The following ZNF626 variants were observed in gnomAD, a reference collection of about 807,000 sequenced individuals.
The protein encoded by ZNF626 is CTC-513N18.7.
In ZNF626, 4 loss-of-function variants were observed where a neutral mutation model predicts 11.7. The observed-to-expected ratio is 0.34, with a 90% CI of 0.17 to 0.78. The LOEUF (loss-of-function observed/expected upper bound fraction) is 0.78, where lower values mean the gene tolerates loss of function less well. Ranked by LOEUF, ZNF626 falls within the 30% of genes least tolerant of loss-of-function variation. The probability of loss-of-function intolerance (pLI) is 0.57; values close to 1 mark genes in which losing one functional copy is unlikely to be tolerated. For synonymous variants in ZNF626, 179 were observed against 198.6 expected (o/e 0.90, Z 0.83); for missense variants, 588 against 587.1 (o/e 1.00, Z -0.01).
At chr19:20,655,698 G>A (rs1555773043) in intron 1 of ZNF626, among the ~76,000 whole-genome samples, 2 of 152,060 alleles carry the variant, frequency 1.3e-5, no homozygotes, top group Admixed American at 1.3e-4. Context: ...CAAGGCAGGT[G>A]GATCACAAGG....
intron 1 of ZNF626, among the ~76,000 whole-genome samples, chr19:20,653,448 G>A (rs1970169053): frequency 6.6e-6 from 1 of 152,068 alleles, no homozygotes; most frequent in African/African-American, 2.4e-5. Context: ...TTCACCTGGA[G>A]ATTGAAGAGG....
chr19:20,646,054 A>G (rs969867145), intron 2 of ZNF626, among the ~76,000 whole-genome samples: 9 of 152,186 alleles, frequency 5.9e-5, no homozygotes, highest in African/African-American at 1.9e-4. Context: ...TGGAATTACC[A>G]CTAATTTAGA....
intron 1 of ZNF626, among the ~76,000 whole-genome samples, chr19:20,660,243 T>TAAAA (rs35231346): frequency 1.9e-5 from 2 of 104,872 alleles, no homozygotes; most frequent in East Asian, 2.7e-4. Context: ...ACACTGTGTC[T>TAAAA]AAAAAAAAAA....
At chr19:20,626,777 G>A (rs535412736) in intron 3 of ZNF626, among the ~76,000 whole-genome samples, 2 of 152,152 alleles carry the variant, frequency 1.3e-5, no homozygotes, top group South Asian at 2.1e-4. Flanking sequence ...CAACTTAGGA[G>A]GCCACCTTGG....
intron 1 of ZNF626, among the ~76,000 whole-genome samples, chr19:20,657,304 T>C (rs1422396362): frequency 1.3e-5 from 2 of 152,142 alleles, no homozygotes; most frequent in Admixed American, 6.6e-5. Flanking sequence ...TGCTTGAGCC[T>C]GAAAGATGGA....
chr19:20,644,062 C>T (rs529317400), intron 3 of ZNF626, among the ~76,000 whole-genome samples: 1 of 152,284 alleles, frequency 6.6e-6, no homozygotes, highest in South Asian at 2.1e-4. Context: ...GGCAGAGGTC[C>T]TGCTATTCCA....
chr19:20,635,989 G>A (rs149525748), intron 3 of ZNF626, among the ~76,000 whole-genome samples: 37 of 152,168 alleles, frequency 2.4e-4, no homozygotes, highest in Admixed American at 7.9e-4. Flanking sequence ...AAAATTAGCC[G>A]GGTGTGGTGG....
intron 3 of ZNF626, among the ~76,000 whole-genome samples, chr19:20,633,120 A>G (rs4808253): frequency 0.45 from 68,231 of 151,786 alleles, 16,614 homozygotes; most frequent in African/African-American, 0.64. Flanking sequence ...AACCGCAGAT[A>G]CTGCTGCCTG....
At chr19:20,651,412 T>C (rs970743849) in intron 1 of ZNF626, among the ~76,000 whole-genome samples, 7 of 151,834 alleles carry the variant, frequency 4.6e-5, no homozygotes, top group African/African-American at 7.2e-5. Context: ...CTTCATGTTT[T>C]ATTTTAACGG....
chr19:20,645,180 A>C (rs1327107047), intron 3 of ZNF626: 1 of 1,074,246 alleles, frequency 9.3e-7, no homozygotes, highest in African/African-American at 1.6e-5. Flanking sequence ...GAAGGATGTC[A>C]TAATTTCAAA....
intron 1 of ZNF626, among the ~76,000 whole-genome samples, chr19:20,652,906 T>C (rs1319466133): frequency 6.6e-6 from 1 of 152,160 alleles, no homozygotes; most frequent in Non-Finnish European, 1.5e-5. Flanking sequence ...CACACGTTAC[T>C]CTACTTGGGT....
rs1186167282 is a variant in ZNF626, at chr19:20,640,071, T to C, written c.226+5613A>G. On this transcript the variant is annotated intron_variant, in intron 3 of 3. Coordinates refer to ENST00000601440, the MANE Select transcript of ZNF626 (RefSeq NM_001076675.3). Reference sequence around the variant, plus strand: ...CCACAAAGTTGCCATGAGTAAAAAATGGAGAAAAATAATCTCTTCAAAAAA... The same window carrying C: ...CCACAAAGTTGCCATGAGTAAAAAACGGAGAAAAATAATCTCTTCAAAAAA... Among the ~76,000 whole-genome samples, 8 of 151,802 alleles carry C rather than the reference T, an allele frequency of 5.3e-5. 1 individual carries two copies. Among genetic ancestry groups the C allele is most frequent in the African/African-American group, 1.9e-4 (8 of 41,324 alleles).
At chr19:20,649,414 A>G (rs577245860) in intron 1 of ZNF626, among the ~76,000 whole-genome samples, 1 of 152,206 alleles carries the variant, frequency 6.6e-6, no homozygotes, top group East Asian at 1.9e-4. Context: ...CAGTAATGGA[A>G]ATAAGCGCCA....
At chr19:20,642,858 A>G (rs1162273576) in intron 3 of ZNF626, among the ~76,000 whole-genome samples, 4 of 151,936 alleles carry the variant, frequency 2.6e-5, no homozygotes, top group African/African-American at 9.7e-5. Flanking sequence ...CTAAAAATAC[A>G]AAAATTACCA....
rs1440687642 is a variant in ZNF626 at position 20,621,963 on chromosome 19, G to A, written c.*2327C>T. 6.6e-6 allele frequency: 1 copy of A among 152,200 alleles called. No individual in the cohort carries two copies. Among genetic ancestry groups the A allele is most frequent in the African/African-American group, 2.4e-5 (1 of 41,452 alleles). The allele number at this position is 152,200 out of a possible 1,614,324, so 9.4% of individuals were successfully genotyped here. A position where few individuals can be genotyped will look rare whatever the true frequency, so the allele number is the denominator to read the frequency against. Reference sequence around the variant, plus strand: ...ACACTTTGAGAGCCTGAGGTGGGTGGATCGCTTGAGCTCAGGAGTTTGAGA... The same window carrying A: ...ACACTTTGAGAGCCTGAGGTGGGTGAATCGCTTGAGCTCAGGAGTTTGAGA... On this transcript the variant is annotated 3_prime_UTR_variant, in exon 4 of 4. Transcript: ENST00000601440.
At chr19:20,649,218 CAT>C (rs551007859) in intron 1 of ZNF626, among the ~76,000 whole-genome samples, 72 of 152,274 alleles carry the variant, frequency 4.7e-4, no homozygotes, top group South Asian at 2.9e-3. Flanking sequence ...GTCAGTACCA[CAT>C]GTTTACCTGC....
intron 3 of ZNF626, among the ~76,000 whole-genome samples, chr19:20,631,737 T>C (rs1969908296): frequency 6.7e-6 from 1 of 150,262 alleles, no homozygotes; most frequent in Non-Finnish European, 1.5e-5. Context: ...CTTGACTCTT[T>C]ATCCAATTTG....
rs1481859831 is a variant in ZNF626, at chr19:20,620,036, A to G, written c.*4254T>C. The G allele has an allele frequency of 6.6e-6, 1 of 152,172 alleles. No individual in the cohort carries two copies. Among genetic ancestry groups the G allele is most frequent in the Non-Finnish European group, 1.5e-5 (1 of 68,040 alleles). 9.4% of individuals were successfully genotyped at this position (152,172 alleles called of 1,614,324 possible). ...CCTTTATGTGTCATTTTATACATTC[A>G]CACACACATAGAACAATAAAAATGT... On this transcript the variant is annotated 3_prime_UTR_variant, in exon 4 of 4. Coordinates refer to ENST00000601440, the MANE Select transcript of ZNF626 (RefSeq NM_001076675.3).
At chr19:20,654,065 T>C (rs1370451175) in intron 1 of ZNF626, among the ~76,000 whole-genome samples, 1 of 152,216 alleles carries the variant, frequency 6.6e-6, no homozygotes, top group African/African-American at 2.4e-5. Flanking sequence ...AAATATTCTT[T>C]GGATATTAGA....
Sources: gnomAD v4.1 joint callset for allele counts (sites outside exome capture counted in the v4.1 genomes callset) on GRCh38, gnomAD v4.1.1 for gene constraint, MANE v1.5 for transcripts, NCBI Gene and HGNC (gene_info 2026-07-23, HGNC 2026-07-21) for gene names.